ROS1: variants seen among roughly 807,000 people sequenced by gnomAD.
ROS1 encodes ROS proto-oncogene 1, receptor tyrosine kinase, also known as proto-oncogene tyrosine-protein kinase ROS.
ROS1 carries 263 observed loss-of-function variants against 273.5 expected under a neutral mutation model. The observed-to-expected ratio is 0.96, with a 90% CI of 0.87 to 1.06. The LOEUF (loss-of-function observed/expected upper bound fraction) is 1.06. Among genes scored for constraint, ROS1 ranks in the 50% least tolerant of loss-of-function variants. The pLI is 0.00. For missense variants in ROS1, 2,833 were observed against 2,751.1 expected, an observed-to-expected ratio of 1.03 and a Z score of -0.67; for synonymous variants, 1,008 against 954.1, an observed-to-expected ratio of 1.06 and a Z score of -1.04.
chr6:117,360,299 C>CACACACACACA, intron 23 of ROS1, 43 bp downstream of exon 23: 2 of 1,455,516 alleles, frequency 1.4e-6, no homozygotes, highest in South Asian at 1.2e-5. Flanking sequence ...CACACACACA[C>CACACACACACA]GCCTCTAAAT....
chr6:117,385,633 A>C, intron 16 of ROS1, 50 bp downstream of exon 16: 1 of 1,521,516 alleles, frequency 6.6e-7, no homozygotes, highest in Non-Finnish European at 9.0e-7. Flanking sequence ...AAGTCACTGA[A>C]GTGGATAAGT....
At chr6:117,380,622 A>AT (rs968980607) in intron 17 of ROS1, among the ~76,000 whole-genome samples, 2 of 152,008 alleles carry the variant, frequency 1.3e-5, no homozygotes, top group African/African-American at 4.8e-5. Context: ...AGATTCTACA[A>AT]TTTTTTGCTG....
At chr6:117,339,982 G>A (rs56259619) in intron 31 of ROS1, among the ~76,000 whole-genome samples, 1,589 of 152,086 alleles carry the variant, frequency 0.01, 29 homozygotes, top group African/African-American at 0.036. Context: ...GAGAGGCTAG[G>A]GTGTCAATTA....
At chr6:117,336,843 A>G (rs936673435) in intron 32 of ROS1, among the ~76,000 whole-genome samples, 1 of 152,140 alleles carries the variant, frequency 6.6e-6, no homozygotes, top group Non-Finnish European at 1.5e-5. Context: ...TATCTCAAAT[A>G]TAGTAGCCAA....
intron 38 of ROS1, among the ~76,000 whole-genome samples, chr6:117,317,641 G>A (rs1010005760): frequency 6.6e-6 from 1 of 152,132 alleles, no homozygotes; most frequent in African/African-American, 2.4e-5. Context: ...AAACAACTCA[G>A]AAATGCGGGT....
chr6:117,333,202 C>T (rs1474673405), intron 32 of ROS1, among the ~76,000 whole-genome samples: 1 of 151,936 alleles, frequency 6.6e-6, no homozygotes, highest in African/African-American at 2.4e-5. Context: ...AAAATACCAC[C>T]AGATAATACT....
At chr6:117,411,486 C>T (rs1272699500) in intron 4 of ROS1, among the ~76,000 whole-genome samples, 2 of 152,118 alleles carry the variant, frequency 1.3e-5, no homozygotes, top group African/African-American at 2.4e-5. Context: ...ACTGAGCTGC[C>T]ATTCCCACAG....
chr6:117,324,467 G>T (rs1191719791), intron 34 of ROS1, 52 bp from the exon 35 acceptor site: 1 of 862,924 alleles, frequency 1.2e-6, no homozygotes, highest in Non-Finnish European at 1.9e-6. Context: ...AAGCTAAGTT[G>T]CCCCAGCTCT....
chr6:117,324,273 A>C, intron 35 of ROS1, 59 bp downstream of exon 35: 2 of 792,310 alleles, frequency 2.5e-6, no homozygotes, highest in Non-Finnish European at 4.3e-6. Context: ...GAGATAAATC[A>C]ATCAGGTATG....
chr6:117,337,186 C>G lies in ROS1; in HGVS notation c.5216G>C (p.Ser1739Thr). 5 of 1,611,942 alleles carry G rather than the reference C, an allele frequency of 3.1e-6. No individual in the cohort carries two copies. The highest frequency in any genetic ancestry group is 4.2e-6 in the Non-Finnish European group (5 of 1,178,766). Residue 1739 changes from serine to threonine, a missense_variant, in exon 32 of 44, where the codon AGC (serine) becomes ACC (threonine). Ser to Thr is a moderately conservative substitution (Grantham distance 58). Coordinates refer to ENST00000368507, the MANE Select transcript of ROS1 (RefSeq NM_001378902.1). ...TGENSTSLPE[S>T]FKTKAGVPNK... ...TTAGTACTCACCTTTTGTCTTAAAG[C>G]TTTCTGGAAGTGAGGTGCTATTTTC...
chr6:117,393,651 T>G (rs957655019), intron 11 of ROS1, among the ~76,000 whole-genome samples: 1 of 152,138 alleles, frequency 6.6e-6, no homozygotes, highest in Non-Finnish European at 1.5e-5. Flanking sequence ...GCCTGTACCT[T>G]CCAAAGAAGT....
At chr6:117,328,961 T>C (rs1582635827) in intron 33 of ROS1, 1 of 568,950 alleles carries the variant, frequency 1.8e-6, no homozygotes, top group South Asian at 1.5e-5. Flanking sequence ...AGTATTCACC[T>C]TGCTAAAGCA....
chr6:117,414,191 T>A (rs180687995), intron 4 of ROS1, among the ~76,000 whole-genome samples: 3 of 152,066 alleles, frequency 2.0e-5, no homozygotes, highest in African/African-American at 7.2e-5. Flanking sequence ...CTCCCCTCCA[T>A]TACCCCAACT....
At chr6:117,372,459 C>T (rs1268645901) in intron 18 of ROS1, among the ~76,000 whole-genome samples, 1 of 152,168 alleles carries the variant, frequency 6.6e-6, no homozygotes, top group Admixed American at 6.5e-5. Context: ...CTGGTGGGTT[C>T]TTTTTCTGAC....
intron 5 of ROS1, among the ~76,000 whole-genome samples, chr6:117,407,227 A>C (rs1381230729): frequency 1.3e-5 from 2 of 152,174 alleles, no homozygotes; most frequent in Non-Finnish European, 2.9e-5. Context: ...TGAGTCAAGA[A>C]CTACAACATA....
intron 4 of ROS1, among the ~76,000 whole-genome samples, chr6:117,412,034 A>G (rs1336519342): frequency 6.6e-6 from 1 of 152,212 alleles, no homozygotes; most frequent in Admixed American, 6.5e-5. Flanking sequence ...AGATTTGGGC[A>G]AAAGCAGAAG....
chr6:117,295,533 A>G (rs1252057154), intron 43 of ROS1, among the ~76,000 whole-genome samples: 1 of 152,198 alleles, frequency 6.6e-6, no homozygotes, highest in Non-Finnish European at 1.5e-5. Context: ...AAAGGAAACA[A>G]TCAACAAAGT....
intron 39 of ROS1, among the ~76,000 whole-genome samples, chr6:117,314,852 C>T (rs1775798765): frequency 6.6e-6 from 1 of 152,090 alleles, no homozygotes; most frequent in African/African-American, 2.4e-5. Flanking sequence ...CCACCTAACA[C>T]CAAAAGGAAG....
At chr6:117,383,154 C>CT (rs1301419483) in intron 17 of ROS1, among the ~76,000 whole-genome samples, 163 bp downstream of exon 17, 3 of 151,188 alleles carry the variant, frequency 2.0e-5, no homozygotes, top group Admixed American at 6.6e-5. Flanking sequence ...AAATAAGGCG[C>CT]TTTTTTTTCA....
Sources: allele counts gnomAD v4.1 joint callset (sites outside exome capture counted in the v4.1 genomes callset), GRCh38; gene constraint gnomAD v4.1.1; transcripts MANE v1.5; gene names NCBI Gene and HGNC (gene_info 2026-07-23, HGNC 2026-07-21).